The following ANK2 variants were observed in gnomAD, a reference collection of about 807,000 sequenced individuals.
ANK2 encodes ankyrin-2.
A neutral mutation model predicts 360.5 loss-of-function variants in ANK2; 83 were observed. The ratio of observed to expected loss-of-function variants is 0.23; its 90% CI spans 0.19 to 0.28. The LOEUF (loss-of-function observed/expected upper bound fraction) is 0.28. ANK2 is among the 10% of genes least tolerant of loss of function. The pLI is 1.00. For synonymous variants in ANK2, 1,740 were observed against 1,759.5 expected, an observed-to-expected ratio of 0.99 and a Z score of 0.28; for missense variants, 4,201 against 4,795.7, an observed-to-expected ratio of 0.88 and a Z score of 3.66.
chr4:113,163,591 C>A (rs1319383512), intron 1 of ANK2, among the ~76,000 whole-genome samples: 1 of 151,000 alleles, frequency 6.6e-6, no homozygotes, highest in African/African-American at 2.4e-5. Flanking sequence ...ATGGAGAAAC[C>A]CCATCTCTAC....
chr4:113,282,912 A>G (rs756248093), intron 18 of ANK2, 40 bp downstream of exon 18: 12 of 1,605,614 alleles, frequency 7.5e-6, no homozygotes, highest in Non-Finnish European at 9.4e-6. Flanking sequence ...AGTGTTTTGG[A>G]TGCATGTAAA....
At chr4:113,213,306 A>G (rs1415054993) in intron 4 of ANK2, among the ~76,000 whole-genome samples, 1 of 152,232 alleles carries the variant, frequency 6.6e-6, no homozygotes, top group Non-Finnish European at 1.5e-5. Flanking sequence ...TATACCTTAG[A>G]ACAAAGTATC....
chr4:112,991,197 G>A (rs544603070), intron 2 of ANK2, among the ~76,000 whole-genome samples: 3 of 141,458 alleles, frequency 2.1e-5, no homozygotes, highest in South Asian at 4.4e-4. Context: ...GCAGTGAGCC[G>A]TGATTGCGCC....
the ANK2 span, among the ~76,000 whole-genome samples, chr4:112,732,129 G>C: frequency 6.6e-6 from 1 of 152,058 alleles, no homozygotes; most frequent in Non-Finnish European, 1.5e-5. Context: ...TCCTAGGCTG[G>C]TTAAACATCT....
intron 1 of ANK2, among the ~76,000 whole-genome samples, chr4:112,876,260 A>G: frequency 6.6e-6 from 1 of 152,148 alleles, no homozygotes; most frequent in East Asian, 1.9e-4. Context: ...CTCTTCTTTA[A>G]AATAGGAAAT....
Position 112,826,953 on chromosome 4 carries a change from C to T in ANK2, c.-40+8689C>T. On this transcript the variant is annotated intron_variant, in intron 1 of 30. Transcript: ENST00000503271. ...AACAAACTCTGAATTGGTTGGCACA[C>T]TCATTCAGTCATGTAAAGATGAACC... 4 of 1,536,766 alleles carry T rather than the reference C, an allele frequency of 2.6e-6. No individual in the cohort carries two copies. In the Admixed American group the frequency reaches 5.0e-5, roughly 19 times the overall value.
intron 24 of ANK2, among the ~76,000 whole-genome samples, chr4:113,313,249 A>G (rs191366769): frequency 4.0e-4 from 61 of 152,326 alleles, no homozygotes; most frequent in Non-Finnish European, 6.8e-4. Flanking sequence ...CAAATTGATG[A>G]TAATCTATGA....
intron 4 of ANK2, among the ~76,000 whole-genome samples, chr4:113,213,347 T>C (rs2099046251): frequency 1.3e-5 from 2 of 152,208 alleles, no homozygotes; most frequent in Admixed American, 1.3e-4. Context: ...TTTAAAAATG[T>C]GAAGAACCAA....
chr4:113,023,730 G>C (rs918905259), intron 2 of ANK2, among the ~76,000 whole-genome samples: 2 of 152,276 alleles, frequency 1.3e-5, no homozygotes, highest in South Asian at 2.1e-4. Flanking sequence ...TGACAGCGGG[G>C]TCTTTGTTTT....
chr4:113,032,882 C>T (rs566470863), intron 2 of ANK2, among the ~76,000 whole-genome samples: 1 of 152,094 alleles, frequency 6.6e-6, no homozygotes, highest in Admixed American at 6.6e-5. Flanking sequence ...ATGAAACATT[C>T]TTCTACCCAG....
intron 2 of ANK2, among the ~76,000 whole-genome samples, chr4:112,921,280 C>T (rs928493866): frequency 4.0e-5 from 6 of 151,830 alleles, no homozygotes; most frequent in African/African-American, 1.2e-4. Flanking sequence ...CTGCCTCGGC[C>T]TCCCAAAGTG....
At chr4:112,942,756 A>G (rs1260472022) in intron 2 of ANK2, among the ~76,000 whole-genome samples, 1 of 151,972 alleles carries the variant, frequency 6.6e-6, no homozygotes, top group Non-Finnish European at 1.5e-5. Context: ...AATTTCGCAA[A>G]TAAGTAAGTT....
chr4:113,224,290 A>T (rs2099188162), intron 4 of ANK2, among the ~76,000 whole-genome samples: 1 of 152,214 alleles, frequency 6.6e-6, no homozygotes. Flanking sequence ...GTTTTACTTT[A>T]TTCCTTTATG....
chr4:112,953,715 C>T (rs2095173554), intron 2 of ANK2, among the ~76,000 whole-genome samples: 1 of 152,194 alleles, frequency 6.6e-6, no homozygotes, highest in South Asian at 2.1e-4. Flanking sequence ...TCTACTCTGG[C>T]AGAGGTAGTT....
the ANK2 span, among the ~76,000 whole-genome samples, chr4:112,754,516 T>TG: frequency 5.0e-3 from 361 of 72,602 alleles, no homozygotes; most frequent in East Asian, 0.031. Flanking sequence ...GTTTTTTTTT[T>TG]TGGGGGGGCG....
At chr4:112,776,849 G>T in the ANK2 span, among the ~76,000 whole-genome samples, 14,678 of 152,092 alleles carry the variant, frequency 0.097, 899 homozygotes, top group Middle Eastern at 0.14. Flanking sequence ...GTCTTTCTAG[G>T]AATCCCTCTC....
chr4:113,008,827 T>A (rs1045328476), intron 2 of ANK2, among the ~76,000 whole-genome samples: 6 of 152,080 alleles, frequency 3.9e-5, no homozygotes, highest in Non-Finnish European at 8.8e-5. Context: ...GTCTAGGTGG[T>A]GGATAGGAGC....
the ANK2 span, among the ~76,000 whole-genome samples, chr4:112,757,978 A>T: frequency 6.7e-6 from 1 of 150,124 alleles, no homozygotes; most frequent in South Asian, 2.1e-4. Flanking sequence ...GTCCTGGCTC[A>T]CTGCAACCTC....
At position 113,282,812 on chromosome 4, in the gene ANK2, G is replaced by T; in HGVS notation, c.2019G>T (p.Gly673=). ...VTPLHLASQE[G]HTDMVTLLLD... ...CACTCCATCTGGCCTCGCAGGAGGGGCACACAGATATGGTTACCTTGCTTC... is the reference window on the plus strand; with the variant it reads ...CACTCCATCTGGCCTCGCAGGAGGGTCACACAGATATGGTTACCTTGCTTC... Residue 673 remains glycine (G), a synonymous_variant, in exon 18 of 46, where the codon GGG becomes GGT. Coordinates refer to ENST00000357077, the MANE Select transcript of ANK2 (RefSeq NM_001148.6). 1 of 1,614,026 alleles carries T rather than the reference G, an allele frequency of 6.2e-7. No individual in the cohort carries two copies. Among genetic ancestry groups the T allele is most frequent in the Non-Finnish European group, 8.5e-7 (1 of 1,179,964 alleles).
Sources: gnomAD v4.1 joint callset for allele counts (sites outside exome capture counted in the v4.1 genomes callset) on GRCh38, gnomAD v4.1.1 for gene constraint, MANE v1.5 for transcripts, NCBI Gene and HGNC (gene_info 2026-07-23, HGNC 2026-07-21) for gene names.